MSI2: variants seen among roughly 807,000 people sequenced by gnomAD.
MSI2 encodes the protein musashi RNA binding protein 2.
A neutral mutation model predicts 45.6 loss-of-function variants in MSI2; 17 were observed. The ratio of observed to expected loss-of-function variants is 0.37; its 90% CI spans 0.26 to 0.56. MSI2 has a LOEUF of 0.56. Ranked by LOEUF, MSI2 falls within the 20% of genes least tolerant of loss-of-function variation. MSI2 has a pLI of 0.77. For synonymous variants in MSI2, 156 were observed against 158.2 expected, an observed-to-expected ratio of 0.99 and a Z score of 0.11; for missense variants, 293 against 444.2, an observed-to-expected ratio of 0.66 and a Z score of 3.06.
intron 5 of MSI2, among the ~76,000 whole-genome samples, chr17:57,353,877 T>TA (rs1252186091): frequency 6.6e-6 from 1 of 152,138 alleles, no homozygotes; most frequent in Non-Finnish European, 1.5e-5. Flanking sequence ...TCTTTTTTTT[T>TA]ATGTGTGTAA....
intron 7 of MSI2, among the ~76,000 whole-genome samples, chr17:57,585,375 T>C (rs78966531): frequency 0.039 from 5,923 of 152,306 alleles, 140 homozygotes; most frequent in Middle Eastern, 0.071. Context: ...GCTAGCTATC[T>C]TCTCAGAAGT....
chr17:57,675,768 C>A (rs1352711157), intron 12 of MSI2, among the ~76,000 whole-genome samples: 1 of 152,190 alleles, frequency 6.6e-6, no homozygotes, highest in Admixed American at 6.5e-5. Flanking sequence ...CATTTGCGTT[C>A]CTTAGCTGCA....
intron 7 of MSI2, among the ~76,000 whole-genome samples, chr17:57,590,197 A>T (rs1904696102): frequency 6.6e-6 from 1 of 152,176 alleles, no homozygotes; most frequent in Admixed American, 6.5e-5. Flanking sequence ...TTTTCACTGA[A>T]GATGCATTAG....
rs1913486854 is a variant in MSI2 at position 57,679,723 on chromosome 17, A to G, written c.*206A>G. On this transcript the variant is annotated 3_prime_UTR_variant, in exon 14 of 14. Transcript: ENST00000284073. ...CATCTCACGAATCTGCTGTAATATA[A>G]GACAACAGCTTTTAAATGTGTATAT... is the stretch of plus-strand genomic sequence containing the variant. 1 of 525,660 alleles carries G rather than the reference A, an allele frequency of 1.9e-6. No homozygotes were observed. The highest frequency in any genetic ancestry group is 8.9e-5 in the South Asian group (1 of 11,206). 32.6% of individuals were successfully genotyped at this position (525,660 alleles called of 1,614,324 possible).
chr17:57,532,339 T>A (rs944118048), intron 7 of MSI2: 2 of 152,192 alleles, frequency 1.3e-5, no homozygotes, highest in South Asian at 4.1e-4. Context: ...AGAGCCGCCA[T>A]CCCACTGCCC....
chr17:57,532,646 C>T (rs1186165377), intron 7 of MSI2, among the ~76,000 whole-genome samples: 1 of 152,222 alleles, frequency 6.6e-6, no homozygotes, highest in Non-Finnish European at 1.5e-5. Context: ...GTGATAAGCA[C>T]AAGGAAGTAA....
At chr17:57,344,571 C>T (rs749691312) in intron 5 of MSI2, among the ~76,000 whole-genome samples, 2 of 152,178 alleles carry the variant, frequency 1.3e-5, no homozygotes, top group African/African-American at 2.4e-5. Context: ...GTTACTAGAG[C>T]GTCTTTGCTC....
intron 6 of MSI2, among the ~76,000 whole-genome samples, chr17:57,442,483 G>A (rs897387458): frequency 6.6e-6 from 1 of 152,136 alleles, no homozygotes; most frequent in Non-Finnish European, 1.5e-5. Context: ...TAAACAGCAC[G>A]AGGTTTGTGG....
At chr17:57,426,333 G>A (rs765732570) in intron 6 of MSI2, among the ~76,000 whole-genome samples, 2 of 152,142 alleles carry the variant, frequency 1.3e-5, no homozygotes, top group African/African-American at 4.8e-5. Context: ...CCTTGTGAAA[G>A]CATTACCATT....
At chr17:57,556,512 T>A (rs2087439044) in intron 7 of MSI2, among the ~76,000 whole-genome samples, 1 of 152,112 alleles carries the variant, frequency 6.6e-6, no homozygotes. Flanking sequence ...CTGCCATCAG[T>A]CTTTGGGGTG....
chr17:57,652,217 A>G lies in MSI2; in HGVS notation c.790+56A>G. 3 of 1,488,446 alleles carry G rather than the reference A, an allele frequency of 2.0e-6. No homozygotes were observed. Among genetic ancestry groups the G allele is most frequent in the South Asian group, 1.1e-5 (1 of 88,518 alleles). The allele number at this position is 1,488,446 out of a possible 1,614,324, so 92.2% of individuals were successfully genotyped here. The stretch of plus-strand genomic sequence containing the variant: ...AGGCATGCCCCCAGTGTGCAGGGGG[A>G]GGTCAAGGCCCTGTCGGATCTGTGT... On this transcript the variant is annotated intron_variant, in intron 11 of 13. Coordinates refer to ENST00000284073, the MANE Select transcript of MSI2 (RefSeq NM_138962.4). This position sits in a 1 kb window ranked among gnomAD's most constrained non-coding sequence, Gnocchi z 4.1.
At chr17:57,343,966 C>T (rs975682605) in intron 5 of MSI2, among the ~76,000 whole-genome samples, 2 of 152,156 alleles carry the variant, frequency 1.3e-5, no homozygotes, top group African/African-American at 4.8e-5. Context: ...ACTTGATGTC[C>T]ATCTGCCTCT....
At position 57,414,275 on chromosome 17, in the gene MSI2, TA is replaced by T. The variant is rs2084251891; in HGVS notation, c.405+12805del. ...TCACCCTGTAGCACCAGGACTGGCC[TA>T]TGGCCTGGGCAGTAGTTGGTGCTCA... On this transcript the variant is annotated intron_variant, in intron 6 of 13. Coordinates refer to ENST00000284073, the MANE Select transcript of MSI2 (RefSeq NM_138962.4). Among the ~76,000 whole-genome samples the T allele has an allele frequency of 2.0e-5, 3 of 152,246 alleles. No individual in the cohort carries two copies. In the South Asian group the frequency reaches 6.2e-4, roughly 32 times the overall value.
chr17:57,274,782 C>A (rs1000610250), intron 5 of MSI2, among the ~76,000 whole-genome samples: 1 of 152,082 alleles, frequency 6.6e-6, no homozygotes, highest in African/African-American at 2.4e-5. Flanking sequence ...GTTGGCAGCA[C>A]GGGCTTTGGA....
chr17:57,334,019 CTCCATTGTT>C (rs1914493788), intron 5 of MSI2, among the ~76,000 whole-genome samples: 1 of 152,172 alleles, frequency 6.6e-6, no homozygotes, highest in Non-Finnish European at 1.5e-5. Context: ...ATCCGTTTCA[CTCCATTGTT>C]GTCTCCAGGA....
chr17:57,495,532 CAAAAAA>C (rs56325646), intron 6 of MSI2, among the ~76,000 whole-genome samples: 2 of 72,620 alleles, frequency 2.8e-5, no homozygotes, highest in African/African-American at 5.9e-5. Context: ...GACTCTGTCT[CAAAAAA>C]AAAAAAAAAA....
At chr17:57,288,774 C>A (rs1910139237) in intron 5 of MSI2, among the ~76,000 whole-genome samples, 1 of 152,102 alleles carries the variant, frequency 6.6e-6, no homozygotes. Context: ...GCCAGGGGTC[C>A]ACAACTTTGG....
chr17:57,351,001 A>T (rs1915989711), intron 5 of MSI2, among the ~76,000 whole-genome samples: 1 of 152,072 alleles, frequency 6.6e-6, no homozygotes, highest in South Asian at 2.1e-4. Context: ...GAGGGGCAAG[A>T]GGAGGGAGCA....
At chr17:57,560,134 A>G (rs1327596797) in intron 7 of MSI2, among the ~76,000 whole-genome samples, 2 of 152,254 alleles carry the variant, frequency 1.3e-5, no homozygotes, top group Non-Finnish European at 2.9e-5. Context: ...GCTGTTTGGT[A>G]TCTCTCGTAG....
Sources: allele counts gnomAD v4.1 joint callset (sites outside exome capture counted in the v4.1 genomes callset), GRCh38; gene constraint gnomAD v4.1.1; non-coding constraint Gnocchi (gnomAD v3.1); transcripts MANE v1.5; gene names NCBI Gene and HGNC (gene_info 2026-07-23, HGNC 2026-07-21).